Variants in MARCHF6 observed in about 807,000 individuals in gnomAD.
MARCHF6 encodes the protein E3 ubiquitin-protein ligase MARCHF6.
In MARCHF6, 31 loss-of-function variants were observed where a neutral mutation model predicts 133.7. That is an observed-to-expected ratio of 0.23 (90% confidence interval 0.17 to 0.31). The LOEUF (loss-of-function observed/expected upper bound fraction) is 0.31. Among genes scored for constraint, MARCHF6 ranks in the 10% least tolerant of loss-of-function variants. MARCHF6 has a pLI of 1.00. For synonymous variants in MARCHF6, 395 were observed against 402.5 expected, an observed-to-expected ratio of 0.98 and a Z score of 0.22; for missense variants, 723 against 1,121.6, an observed-to-expected ratio of 0.64 and a Z score of 5.08.
At chr5:10,356,282 T>TA (rs933778747) in intron 1 of MARCHF6, among the ~76,000 whole-genome samples, 34 of 151,078 alleles carry the variant, frequency 2.3e-4, no homozygotes, top group Middle Eastern at 3.4e-3. Context: ...AAAACTAAAT[T>TA]AAAAAAAAAT....
At chr5:10,412,287 G>C (rs184489650) in intron 19 of MARCHF6, among the ~76,000 whole-genome samples, 16 of 152,328 alleles carry the variant, frequency 1.1e-4, no homozygotes, top group African/African-American at 3.1e-4. Context: ...AGCATACGTG[G>C]TCTTTGCTCA....
intron 10 of MARCHF6, among the ~76,000 whole-genome samples, chr5:10,398,302 G>A (rs1738310182): frequency 6.6e-6 from 1 of 152,128 alleles, no homozygotes. Flanking sequence ...GAAGCCATGT[G>A]GTGTAAGGGG....
intron 1 of MARCHF6, among the ~76,000 whole-genome samples, chr5:10,361,468 T>A (rs1163760988): frequency 6.6e-6 from 1 of 152,200 alleles, no homozygotes; most frequent in Admixed American, 6.5e-5. Flanking sequence ...TGTAGTCTTC[T>A]CTCTGTATGT....
At chr5:10,397,630 C>T (rs1435643062) in intron 10 of MARCHF6, among the ~76,000 whole-genome samples, 1 of 151,828 alleles carries the variant, frequency 6.6e-6, no homozygotes, top group Non-Finnish European at 1.5e-5. Flanking sequence ...TATACAGTTT[C>T]CCATTTCTGG....
intron 1 of MARCHF6, among the ~76,000 whole-genome samples, chr5:10,373,242 TTTGTCA>T (rs569604886): frequency 5.9e-5 from 9 of 152,080 alleles, no homozygotes; most frequent in Non-Finnish European, 1.2e-4. Flanking sequence ...TGTTTGTTGG[TTTGTCA>T]TTCAGAAGGA....
At chr5:10,373,340 A>T (rs923303745) in intron 1 of MARCHF6, among the ~76,000 whole-genome samples, 2 of 151,690 alleles carry the variant, frequency 1.3e-5, no homozygotes, top group Non-Finnish European at 2.9e-5. Flanking sequence ...CTCTCTCCCC[A>T]CTCCACCTGT....
At chr5:10,414,376 T>TA in intron 19 of MARCHF6, 57 bp from the exon 20 acceptor site, 5 of 955,270 alleles carry the variant, frequency 5.2e-6, no homozygotes, top group Middle Eastern at 2.1e-4. Context: ...GATTCTTTGA[T>TA]AAAATACATT....
At chr5:10,388,746 A>AGCTT (rs1324910075) in intron 5 of MARCHF6, among the ~76,000 whole-genome samples, 1 of 152,204 alleles carries the variant, frequency 6.6e-6, no homozygotes, top group African/African-American at 2.4e-5. Flanking sequence ...CAAGAGAAGA[A>AGCTT]GCTTGCAGGC....
intron 1 of MARCHF6, among the ~76,000 whole-genome samples, chr5:10,372,214 T>G (rs1243299609): frequency 6.6e-6 from 1 of 152,138 alleles, no homozygotes; most frequent in Admixed American, 6.5e-5. Context: ...ATTTTCCTTA[T>G]ATTTGTTTTT....
Position 10,387,061 on chromosome 5 carries a change from G to A in MARCHF6, c.402G>A (p.Leu134=). Residue 134 remains leucine, a synonymous_variant, in exon 5 of 26, where the codon CTG becomes CTA. Transcript: ENST00000274140. ...TACTGACGCTGCCATTAGATATGCT[G>A]TCAACGTGAGTATTGAACCTCTGTG... ...SSLLTLPLDM[L]STENLLADCL... 6.2e-7 allele frequency: 1 copy of A among 1,610,746 alleles called. No individual in the cohort carries two copies. The highest frequency in any genetic ancestry group is 8.5e-7 in the Non-Finnish European group (1 of 1,177,362).
At chr5:10,382,056 A>G (rs1737180170) in intron 4 of MARCHF6, 113 bp downstream of exon 4, 1 of 1,110,654 alleles carries the variant, frequency 9.0e-7, no homozygotes, top group Non-Finnish European at 1.3e-6. Flanking sequence ...ATTTGATGTC[A>G]GAGTGTCATG....
intron 19 of MARCHF6, 108 bp downstream of exon 19, chr5:10,411,645 A>G (rs959444550): frequency 6.6e-6 from 5 of 752,104 alleles, no homozygotes; most frequent in Non-Finnish European, 6.2e-6. Context: ...CTGTGTAGAC[A>G]TGTTCCACAT....
At chr5:10,390,250 T>C (rs532874072) in intron 5 of MARCHF6, 82 bp from the exon 6 acceptor site, 39 of 1,140,018 alleles carry the variant, frequency 3.4e-5, no homozygotes, top group Middle Eastern at 2.5e-4. Flanking sequence ...TCTGAGACTT[T>C]AGTATAAGAA....
intron 7 of MARCHF6, among the ~76,000 whole-genome samples, chr5:10,392,530 G>A (rs1737923615): frequency 6.6e-6 from 1 of 152,084 alleles, no homozygotes; most frequent in East Asian, 1.9e-4. Flanking sequence ...GAGATGGGTA[G>A]ATCACCTGAG....
chr5:10,427,612 C>T (rs1282898166), intron 24 of MARCHF6, among the ~76,000 whole-genome samples: 42 of 152,210 alleles, frequency 2.8e-4, no homozygotes, highest in Admixed American at 2.2e-3. Flanking sequence ...TCCCTTTAAC[C>T]GTGAGAGAGG....
chr5:10,381,332 A>G (rs1208927856), intron 3 of MARCHF6, among the ~76,000 whole-genome samples: 4 of 152,234 alleles, frequency 2.6e-5, no homozygotes, highest in African/African-American at 9.6e-5. Flanking sequence ...GTTTGCTCCC[A>G]CATGAAATGA....
Position 10,433,830 on chromosome 5 carries a change from G to T in MARCHF6, c.*146G>T. 1.5e-6 allele frequency: 1 copy of T among 662,470 alleles called. No homozygotes were observed. Among genetic ancestry groups the T allele is most frequent in the Admixed American group, 2.6e-5 (1 of 38,776 alleles). The allele number at this position is 662,470 out of a possible 1,614,324, so 41.0% of individuals were successfully genotyped here. A position where few individuals can be genotyped will look rare whatever the true frequency, so the allele number is the denominator to read the frequency against. Reference sequence around the variant, plus strand: ...TGTTCTCAGCATTCAGAGAGCAGCGGTGTAAGATTCTGCTGTTCTCCCTGG... The same window carrying T: ...TGTTCTCAGCATTCAGAGAGCAGCGTTGTAAGATTCTGCTGTTCTCCCTGG... On this transcript the variant is annotated 3_prime_UTR_variant, in exon 26 of 26. Coordinates refer to ENST00000274140, the MANE Select transcript of MARCHF6 (RefSeq NM_005885.4).
intron 19 of MARCHF6, among the ~76,000 whole-genome samples, chr5:10,412,482 A>T (rs1452319748): frequency 6.6e-6 from 1 of 152,182 alleles, no homozygotes; most frequent in Admixed American, 6.5e-5. Context: ...CCTGTCAGAG[A>T]GTGAAAAAAA....
At chr5:10,372,929 C>T (rs1302022926) in intron 1 of MARCHF6, among the ~76,000 whole-genome samples, 1 of 152,006 alleles carries the variant, frequency 6.6e-6, no homozygotes, top group African/African-American at 2.4e-5. Context: ...GGCATGGTGG[C>T]TCATGCCTGT....
Sources: gnomAD v4.1 joint callset for allele counts (sites outside exome capture counted in the v4.1 genomes callset) on GRCh38, gnomAD v4.1.1 for gene constraint, MANE v1.5 for transcripts, NCBI Gene and HGNC (gene_info 2026-07-23, HGNC 2026-07-21) for gene names.